The following ANAPC10 variants were observed in gnomAD, a reference collection of about 807,000 sequenced individuals.
ANAPC10 encodes anaphase promoting complex subunit 10.
In ANAPC10, 12 loss-of-function variants were observed where a neutral mutation model predicts 22.0. That is an observed-to-expected ratio of 0.55 (90% CI 0.35 to 0.88). The LOEUF is 0.88. ANAPC10 is among the 40% of genes least tolerant of loss of function. The pLI, the probability that ANAPC10 is intolerant of heterozygous loss-of-function variation, is 0.01. For missense variants in ANAPC10, 188 were observed against 220.9 expected, an observed-to-expected ratio of 0.85 and a Z score of 0.94; for synonymous variants, 65 against 69.5, an observed-to-expected ratio of 0.94 and a Z score of 0.32.
chr4:144,997,562 CA>C (rs1201866253), intron 4 of ANAPC10, among the ~76,000 whole-genome samples: 1 of 152,160 alleles, frequency 6.6e-6, no homozygotes, highest in Admixed American at 6.6e-5. Context: ...GCCTGCCTTA[CA>C]AGAGTTCCTG....
intron 4 of ANAPC10, among the ~76,000 whole-genome samples, chr4:144,997,627 G>C (rs948101696): frequency 6.6e-6 from 1 of 152,100 alleles, no homozygotes; most frequent in African/African-American, 2.4e-5. Context: ...TGCAAAAACA[G>C]GCCAAATTGT....
chr4:145,050,925 A>C (rs1741010847), intron 4 of ANAPC10, among the ~76,000 whole-genome samples: 1 of 152,200 alleles, frequency 6.6e-6, no homozygotes, highest in Non-Finnish European at 1.5e-5. Context: ...CTTTCTTATT[A>C]TTCATGTGTT....
At position 145,081,729 on chromosome 4, in the gene ANAPC10, C is replaced by G. The variant is rs35257136; in HGVS notation, c.137G>C (p.Arg46Pro). 6.2e-7 allele frequency: 1 copy of G among 1,612,544 alleles called. No homozygotes were observed. Among genetic ancestry groups the G allele is most frequent in the Non-Finnish European group, 8.5e-7 (1 of 1,179,340 alleles). ...CCAATAAGTTTCTAGATTGTCATCTCGTAACTGATCCACTCCAAATCCTAA... is the reference window on the plus strand; with the variant it reads ...CCAATAAGTTTCTAGATTGTCATCTGGTAACTGATCCACTCCAAATCCTAA... Reference protein sequence around the residue: ...CKPGFGVDQLRDDNLETYWQS... With the variant: ...CKPGFGVDQLPDDNLETYWQS... Residue 46 changes from arginine (R) to proline (P), a missense_variant, in exon 3 of 5, where the codon CGA (arginine) becomes CCA (proline). By Grantham distance (103) the Arg-to-Pro change is moderately radical. Coordinates refer to ENST00000507656, the MANE Select transcript of ANAPC10 (RefSeq NM_001256706.2).
At chr4:145,007,034 G>A (rs1018583099) in intron 4 of ANAPC10, among the ~76,000 whole-genome samples, 2 of 151,854 alleles carry the variant, frequency 1.3e-5, no homozygotes, top group Non-Finnish European at 2.9e-5. Context: ...CTCCTGGGAG[G>A]CGCGGGTCCC....
intron 4 of ANAPC10, among the ~76,000 whole-genome samples, chr4:145,020,499 C>T (rs1260222164): frequency 6.6e-6 from 1 of 152,068 alleles, no homozygotes; most frequent in African/African-American, 2.4e-5. Context: ...AAGTTGAAAG[C>T]ATTCCCTCTG....
At chr4:145,038,060 C>T (rs769050995) in intron 4 of ANAPC10, among the ~76,000 whole-genome samples, 2 of 151,830 alleles carry the variant, frequency 1.3e-5, no homozygotes, top group Non-Finnish European at 2.9e-5. Context: ...TATGACTGGG[C>T]CTGGTGGTTC....
chr4:145,005,878 G>A (rs924577057), intron 4 of ANAPC10, among the ~76,000 whole-genome samples: 1 of 151,664 alleles, frequency 6.6e-6, no homozygotes, highest in African/African-American at 2.4e-5. Flanking sequence ...GCCTGATTGT[G>A]TGGTTAATTT....
At chr4:145,015,339 T>C (rs1461811778) in intron 4 of ANAPC10, among the ~76,000 whole-genome samples, 1 of 151,396 alleles carries the variant, frequency 6.6e-6, no homozygotes, top group Non-Finnish European at 1.5e-5. Flanking sequence ...AAGAAAGAAA[T>C]TCAGAGCTTG....
At chr4:145,065,285 C>T (rs35667138) in intron 3 of ANAPC10, among the ~76,000 whole-genome samples, 195 of 151,714 alleles carry the variant, frequency 1.3e-3, no homozygotes, top group Non-Finnish European at 1.9e-3. Context: ...TAATAGAAAA[C>T]GAACCTCAGA....
At chr4:145,085,958 G>T (rs1173359370) in intron 2 of ANAPC10, among the ~76,000 whole-genome samples, 2 of 151,762 alleles carry the variant, frequency 1.3e-5, no homozygotes, top group Non-Finnish European at 2.9e-5. Flanking sequence ...CCACCTCCTG[G>T]GTTCAAGCAA....
intron 2 of ANAPC10, among the ~76,000 whole-genome samples, chr4:145,084,632 A>T (rs1038941471): frequency 5.3e-5 from 8 of 152,208 alleles, no homozygotes; most frequent in Non-Finnish European, 1.2e-4. Context: ...TTTGGTCTGC[A>T]TTCAAAGCTG....
intron 3 of ANAPC10, among the ~76,000 whole-genome samples, chr4:145,072,898 GTTT>G (rs142772988): frequency 7.3e-6 from 1 of 136,634 alleles, no homozygotes. Flanking sequence ...TTACGTATCT[GTTT>G]TTTTTTTTTT....
intron 4 of ANAPC10, among the ~76,000 whole-genome samples, chr4:145,010,049 G>A (rs1170548132): frequency 6.6e-6 from 1 of 152,166 alleles, no homozygotes; most frequent in Non-Finnish European, 1.5e-5. Flanking sequence ...AGACATTTAT[G>A]CAGTCAACAG....
chr4:145,081,061 A>G (rs2126589459), intron 3 of ANAPC10, among the ~76,000 whole-genome samples: 1 of 152,176 alleles, frequency 6.6e-6, no homozygotes, highest in Non-Finnish European at 1.5e-5. Flanking sequence ...GCTTGAGGCC[A>G]GGAGTTCGAG....
chr4:145,077,565 T>C lies in ANAPC10; in HGVS notation c.206+4095A>G, dbSNP rs557645433. Among the ~76,000 whole-genome samples the C allele has an allele frequency of 2.6e-4, 40 of 152,022 alleles. 1 individual carries two copies. The South Asian group carries it at 8.1e-3, about 31-fold the overall frequency. On this transcript the variant is annotated intron_variant, in intron 3 of 4. Coordinates refer to ENST00000507656, the MANE Select transcript of ANAPC10 (RefSeq NM_001256706.2). ...ATACCAAAACCTGCCAGAGATCCAGTAAAAGAAGAAACCTCAGGCCAATAT... is the reference window on the plus strand; with the variant it reads ...ATACCAAAACCTGCCAGAGATCCAGCAAAAGAAGAAACCTCAGGCCAATAT...
chr4:145,003,728 G>A (rs1732924474), intron 4 of ANAPC10, among the ~76,000 whole-genome samples: 1 of 152,098 alleles, frequency 6.6e-6, no homozygotes, highest in Non-Finnish European at 1.5e-5. Flanking sequence ...CTATCATGCT[G>A]TCTTGTTAAT....
At chr4:145,003,762 G>C (rs1732930207) in intron 4 of ANAPC10, among the ~76,000 whole-genome samples, 1 of 152,160 alleles carries the variant, frequency 6.6e-6, no homozygotes, top group Non-Finnish European at 1.5e-5. Context: ...ACAGTTTCAA[G>C]TCAGGTAATA....
chr4:145,090,410 C>T (rs571011725), intron 2 of ANAPC10, among the ~76,000 whole-genome samples: 5 of 152,278 alleles, frequency 3.3e-5, no homozygotes, highest in Admixed American at 1.3e-4. Context: ...TCCCATTTCC[C>T]TTGCTTTTAT....
chr4:145,028,551 A>G (rs924989995), intron 4 of ANAPC10, among the ~76,000 whole-genome samples: 1 of 152,208 alleles, frequency 6.6e-6, no homozygotes, highest in African/African-American at 2.4e-5. Flanking sequence ...GAGTGGTTCT[A>G]GAGGAACAGA....
Sources: gnomAD v4.1 joint callset for allele counts (sites outside exome capture counted in the v4.1 genomes callset) on GRCh38, gnomAD v4.1.1 for gene constraint, MANE v1.5 for transcripts, NCBI Gene and HGNC (gene_info 2026-07-23, HGNC 2026-07-21) for gene names.